The following PREX2 variants were observed in gnomAD, a reference collection of about 807,000 sequenced individuals.
PREX2 encodes the protein phosphatidylinositol-3,4,5-trisphosphate dependent Rac exchange factor 2.
Under a neutral mutation model 203.2 loss-of-function variants are expected in PREX2, and 107 were observed. The observed-to-expected ratio is 0.53, with a 90% CI of 0.45 to 0.62. The LOEUF (loss-of-function observed/expected upper bound fraction) is 0.62, where lower values mean the gene tolerates loss of function less well. Among genes scored for constraint, PREX2 ranks in the 20% least tolerant of loss-of-function variants. The pLI, the probability that PREX2 is intolerant of heterozygous loss-of-function variation, is 0.00. For missense variants in PREX2, 1,777 were observed against 1,955.9 expected, an observed-to-expected ratio of 0.91 and a Z score of 1.72; for synonymous variants, 672 against 663.6, an observed-to-expected ratio of 1.01 and a Z score of -0.19.
chr8:68,044,389 T>C (rs983708357), intron 7 of PREX2, 98 bp from the exon 8 acceptor site: 2 of 764,426 alleles, frequency 2.6e-6, no homozygotes, highest in African/African-American at 3.4e-5. Context: ...GTCGATTGAA[T>C]TGGTGTCTTT....
intron 37 of PREX2, among the ~76,000 whole-genome samples, chr8:68,213,958 A>G (rs1177381616): frequency 1.3e-5 from 2 of 152,166 alleles, no homozygotes; most frequent in East Asian, 3.9e-4. Flanking sequence ...AATTGTGTGA[A>G]TATTTTTTAA....
chr8:68,159,173 A>C (rs1811605319), intron 35 of PREX2, among the ~76,000 whole-genome samples: 1 of 152,214 alleles, frequency 6.6e-6, no homozygotes, highest in African/African-American at 2.4e-5. Flanking sequence ...GATTTAATCC[A>C]AATTGTAGGC....
At chr8:68,096,769 G>T (rs1233132386) in intron 21 of PREX2, among the ~76,000 whole-genome samples, 4 of 152,168 alleles carry the variant, frequency 2.6e-5, no homozygotes, top group Admixed American at 2.6e-4. Flanking sequence ...ATGGTCCACA[G>T]ATTGAAGTAG....
chr8:68,084,890 G>C lies in PREX2; in HGVS notation c.2027+1502G>C, dbSNP rs191171841. On this transcript the variant is annotated intron_variant, in intron 18 of 39. Coordinates refer to ENST00000288368, the MANE Select transcript of PREX2 (RefSeq NM_024870.4). ...CCCCTGATTTAACCCTACAAATACTGATCTACTGATCAGAGACATTCCAAC... is the reference window on the plus strand; with the variant it reads ...CCCCTGATTTAACCCTACAAATACTCATCTACTGATCAGAGACATTCCAAC... Among the ~76,000 whole-genome samples the C allele has an allele frequency of 3.9e-5, 6 of 152,208 alleles. No homozygotes were observed. In the East Asian group the frequency reaches 1.2e-3, roughly 29 times the overall value.
chr8:68,174,818 G>A (rs1811947495), intron 35 of PREX2, among the ~76,000 whole-genome samples: 1 of 152,168 alleles, frequency 6.6e-6, no homozygotes, highest in African/African-American at 2.4e-5. Context: ...ACCAAACCAG[G>A]ACACAAGATA....
chr8:68,072,517 A>G lies in PREX2; in HGVS notation c.1516A>G (p.Thr506Ala). 6.3e-7 allele frequency: 1 copy of G among 1,592,418 alleles called. No homozygotes were observed. The highest frequency in any genetic ancestry group is 8.6e-7 in the Non-Finnish European group (1 of 1,161,248). The change falls in exon 14 of 40, where the codon ACC (threonine) becomes GCC (alanine). Residue 506 changes from threonine to alanine, a missense_variant. Thr to Ala is a moderately conservative substitution (Grantham distance 58). Transcript: ENST00000288368. ...VIRDKDYHLRTYKSVVMANKL... is the reference protein window; with the variant it reads ...VIRDKDYHLRAYKSVVMANKL... The stretch of plus-strand genomic sequence containing the variant: ...TAGAGATAAAGATTACCATTTAAGG[A>G]CCTACAAATCTGTGGTCATGGCCAA...
chr8:68,035,879 C>T (rs572573499), intron 6 of PREX2, among the ~76,000 whole-genome samples: 3 of 152,122 alleles, frequency 2.0e-5, no homozygotes, highest in South Asian at 2.1e-4. Flanking sequence ...ACAATCTGAC[C>T]GAAGTTATAT....
At chr8:68,060,534 G>T (rs1270550144) in intron 10 of PREX2, 145 bp from the exon 11 acceptor site, 5 of 607,966 alleles carry the variant, frequency 8.2e-6, no homozygotes, top group Non-Finnish European at 1.1e-5. Context: ...TTACATATGT[G>T]AAAAAATAAT....
At chr8:68,098,646 A>G (rs537482739) in intron 22 of PREX2, among the ~76,000 whole-genome samples, 1 of 152,098 alleles carries the variant, frequency 6.6e-6, no homozygotes, top group East Asian at 1.9e-4. Flanking sequence ...CAGCATATGA[A>G]CTAGTATTAC....
At chr8:68,199,104 T>A (rs1812454709) in intron 37 of PREX2, among the ~76,000 whole-genome samples, 1 of 151,676 alleles carries the variant, frequency 6.6e-6, no homozygotes, top group Non-Finnish European at 1.5e-5. Flanking sequence ...GGGTTGTTAG[T>A]GGCACCATCA....
At chr8:68,004,034 T>G (rs1167636983) in intron 1 of PREX2, among the ~76,000 whole-genome samples, 2 of 152,068 alleles carry the variant, frequency 1.3e-5, no homozygotes, top group African/African-American at 4.8e-5. Context: ...TTTTGTATTT[T>G]TAATAGAGAC....
chr8:68,038,530 C>T (rs1404875414), intron 7 of PREX2, among the ~76,000 whole-genome samples: 2 of 152,148 alleles, frequency 1.3e-5, no homozygotes, highest in African/African-American at 4.8e-5. Context: ...GCTGGGTCCT[C>T]AGAGCCCTCT....
At chr8:67,956,554 C>A (rs1214469984) in intron 1 of PREX2, among the ~76,000 whole-genome samples, 1 of 152,200 alleles carries the variant, frequency 6.6e-6, no homozygotes, top group African/African-American at 2.4e-5. Context: ...AGCATTCCCC[C>A]ACAGCCCCCT....
rs558703866 is a variant in PREX2 at position 68,042,744 on chromosome 8, A to G, written c.840-1743A>G. Among the ~76,000 whole-genome samples the G allele has an allele frequency of 1.6e-4, 24 of 152,212 alleles. No homozygotes were observed. In the South Asian group the frequency reaches 5.0e-3, roughly 32 times the overall value. On this transcript the variant is annotated intron_variant, in intron 7 of 39. Coordinates refer to ENST00000288368, the MANE Select transcript of PREX2 (RefSeq NM_024870.4). ...ATAGGCTTTTCAGTCTTTAAGCTTC[A>G]GTAGAGTCATTTTCTGAAGAGATCA...
At chr8:68,091,590 T>G (rs1221744723) in intron 20 of PREX2, among the ~76,000 whole-genome samples, 1 of 152,174 alleles carries the variant, frequency 6.6e-6, no homozygotes, top group Non-Finnish European at 1.5e-5. Context: ...TGAAAATAAC[T>G]GATCAGTTTT....
chr8:68,203,550 A>G (rs1282938467), intron 37 of PREX2, among the ~76,000 whole-genome samples: 1 of 152,172 alleles, frequency 6.6e-6, no homozygotes, highest in Non-Finnish European at 1.5e-5. Context: ...GGTTTAAAAC[A>G]TTACTAAGAA....
chr8:68,097,225 A>C (rs752983932), intron 22 of PREX2, 24 bp downstream of exon 22: 24 of 1,575,768 alleles, frequency 1.5e-5, no homozygotes, highest in Non-Finnish European at 2.1e-5. Context: ...TGAAGAAATA[A>C]GATTTTTTGT....
chr8:68,125,589 G>A (rs1418241996), intron 30 of PREX2, among the ~76,000 whole-genome samples: 1 of 152,072 alleles, frequency 6.6e-6, no homozygotes, highest in Non-Finnish European at 1.5e-5. Context: ...TCCCTAAGAC[G>A]ATGCCTATCT....
intron 39 of PREX2, 139 bp downstream of exon 39, chr8:68,224,765 C>A: frequency 1.6e-6 from 1 of 620,070 alleles, no homozygotes. Context: ...CCTTGAAACA[C>A]CCAATGGCTA....
Sources: allele counts gnomAD v4.1 joint callset (sites outside exome capture counted in the v4.1 genomes callset), GRCh38; gene constraint gnomAD v4.1.1; transcripts MANE v1.5; gene names NCBI Gene and HGNC (gene_info 2026-07-23, HGNC 2026-07-21).